CWC25: variants seen among roughly 807,000 people sequenced by gnomAD.
CWC25 encodes the protein CWC25 spliceosome associated protein.
CWC25 carries 31 observed loss-of-function variants against 54.6 expected under a neutral mutation model. That is an observed-to-expected ratio of 0.57 (90% CI 0.43 to 0.77). CWC25 has a LOEUF of 0.77. CWC25 is among the 30% of genes least tolerant of loss of function. The probability of loss-of-function intolerance (pLI) is 0.00; values close to 1 mark genes in which losing one functional copy is unlikely to be tolerated. For synonymous variants in CWC25, 151 were observed against 187.0 expected, an observed-to-expected ratio of 0.81 and a Z score of 1.57; for missense variants, 453 against 529.3, an observed-to-expected ratio of 0.86 and a Z score of 1.41.
At chr17:38,819,537 T>C (rs1167012887) in intron 2 of CWC25, among the ~76,000 whole-genome samples, 1 of 151,472 alleles carries the variant, frequency 6.6e-6, no homozygotes, top group East Asian at 1.9e-4. Flanking sequence ...CAGTTAATTT[T>C]TTTTTTTTTT....
intron 8 of CWC25, 86 bp downstream of exon 8, chr17:38,806,211 T>C: frequency 8.5e-7 from 1 of 1,178,766 alleles, no homozygotes; most frequent in Non-Finnish European, 1.2e-6. Context: ...GAAAAGGTAA[T>C]GATGGATTAT....
At chr17:38,824,729 G>C (rs1912073072) in intron 1 of CWC25, among the ~76,000 whole-genome samples, 1 of 152,120 alleles carries the variant, frequency 6.6e-6, no homozygotes, top group Admixed American at 6.6e-5. Context: ...GCTTAGGGTA[G>C]GGAGAATGGG....
intron 1 of CWC25, among the ~76,000 whole-genome samples, chr17:38,822,007 A>T (rs1363826570): frequency 1.3e-5 from 2 of 151,640 alleles, no homozygotes; most frequent in Admixed American, 1.3e-4. Flanking sequence ...TGACCTCATG[A>T]TCTGCCCGCA....
intron 8 of CWC25, among the ~76,000 whole-genome samples, chr17:38,804,833 G>A (rs1254016568): frequency 2.9e-4 from 44 of 149,226 alleles, no homozygotes; most frequent in African/African-American, 7.6e-4. Context: ...AAGCCCGGGC[G>A]TGGTGGCTCA....
In CWC25 at chr17:38,807,322, C is replaced by CAA. The variant is rs57710053; in HGVS notation, c.691-348_691-347dup. On this transcript the variant is annotated intron_variant, in intron 6 of 9. Coordinates refer to ENST00000614790, the MANE Select transcript of CWC25 (RefSeq NM_017748.5). ...TGGATGACAGAGCGAGACTCCGTCT[C>CAA]AAAAAAAAAAAAAAAAAAAAGAAAA... is the stretch of plus-strand genomic sequence containing the variant. Among the ~76,000 whole-genome samples, 13 of 56,518 alleles carry CAA rather than the reference C, an allele frequency of 2.3e-4. 1 individual carries two copies. In the East Asian group the frequency reaches 4.1e-3, roughly 18 times the overall value. The allele number at this position is 56,518 out of a possible 152,430, so 37.1% of individuals were successfully genotyped here.
In CWC25 at chr17:38,803,008, G is replaced by A. The variant is rs1421497312; in HGVS notation, c.1002-147C>T. On this transcript the variant is annotated intron_variant, in intron 8 of 9. Coordinates refer to ENST00000614790, the MANE Select transcript of CWC25 (RefSeq NM_017748.5). ...AGGCCAGCCTGAGTTCCCTTCTAACGTCCTGGTCAGGAGGTTTCATCCAAA... is the reference window on the plus strand; with the variant it reads ...AGGCCAGCCTGAGTTCCCTTCTAACATCCTGGTCAGGAGGTTTCATCCAAA... 20 of 844,542 alleles carry A rather than the reference G, an allele frequency of 2.4e-5. No individual in the cohort carries two copies. In the South Asian group the frequency reaches 2.6e-4, roughly 11 times the overall value. 52.3% of individuals were successfully genotyped at this position (844,542 alleles called of 1,614,324 possible).
At chr17:38,812,688 T>C in intron 4 of CWC25, 107 bp downstream of exon 4, 1 of 650,814 alleles carries the variant, frequency 1.5e-6, no homozygotes, top group East Asian at 2.9e-5. Flanking sequence ...ACAAAAGTTT[T>C]AGAGGCCATT....
At chr17:38,821,647 C>G (rs773059754) in intron 1 of CWC25, among the ~76,000 whole-genome samples, 13 of 152,132 alleles carry the variant, frequency 8.5e-5, no homozygotes, top group Non-Finnish European at 1.6e-4. Flanking sequence ...TAAAAGCATA[C>G]AAGTCATCCT....
Position 38,809,776 on chromosome 17 carries a change from A to G in CWC25, c.627-11T>C. On this transcript the variant is annotated splice_polypyrimidine_tract_variant and intron_variant, in intron 5 of 9. Coordinates refer to ENST00000614790, the MANE Select transcript of CWC25 (RefSeq NM_017748.5). ...ATCTTCTTCTGTGATCTAAGAGATC[A>G]AAATACACACACTCATTGAAAAAGA... 6.2e-7 allele frequency: 1 copy of G among 1,612,800 alleles called. No individual in the cohort carries two copies. The highest frequency in any genetic ancestry group is 1.1e-5 in the South Asian group (1 of 91,008).
intron 8 of CWC25, among the ~76,000 whole-genome samples, chr17:38,804,285 A>G (rs1226363454): frequency 6.6e-6 from 1 of 152,184 alleles, no homozygotes; most frequent in Non-Finnish European, 1.5e-5. Context: ...ATGTAACCAT[A>G]TTGGAAAGAT....
In CWC25 at chr17:38,825,268, A is replaced by G. The variant is rs1912098881; in HGVS notation, c.-85T>C. 1.4e-6 allele frequency: 2 copies of G among 1,430,042 alleles called. No homozygotes were observed. Among genetic ancestry groups the G allele is most frequent in the African/African-American group, 2.9e-5 (2 of 70,124 alleles). 88.6% of individuals were successfully genotyped at this position (1,430,042 alleles called of 1,614,324 possible). A position where few individuals can be genotyped will look rare whatever the true frequency, so the allele number is the denominator to read the frequency against. On this transcript the variant is annotated 5_prime_UTR_variant, in exon 1 of 10. Transcript: ENST00000614790. ...AACGTAGAGAAATAGTTCGGGGGCT[A>G]CCTCGCGGGATCTAGTCCCAGGAGC...
intron 5 of CWC25, 23 bp from the exon 6 acceptor site, chr17:38,809,788 C>T (rs751268681): frequency 3.1e-6 from 5 of 1,607,546 alleles, no homozygotes; most frequent in Non-Finnish European, 4.3e-6. Flanking sequence ...AATACACACA[C>T]TCATTGAAAA....
chr17:38,821,993 C>T (rs762707424), intron 1 of CWC25, among the ~76,000 whole-genome samples: 13 of 151,912 alleles, frequency 8.6e-5, no homozygotes, highest in East Asian at 1.9e-4. Flanking sequence ...TGGTCTCAAA[C>T]GCCTGACCTC....
intron 4 of CWC25, 27 bp downstream of exon 4, chr17:38,812,768 T>C (rs1214775563): frequency 6.2e-6 from 8 of 1,286,074 alleles, no homozygotes; most frequent in Admixed American, 2.0e-5. Context: ...AAAGATGCTC[T>C]TGGTGCTTAT....
intron 2 of CWC25, among the ~76,000 whole-genome samples, chr17:38,818,588 C>CAAAAAAAAAAAAAAAAAAAAA (rs56382375): frequency 4.1e-5 from 2 of 48,482 alleles, no homozygotes; most frequent in African/African-American, 9.3e-5. Context: ...GACTCCATCT[C>CAAAAAAAAAAAAAAAAAAAAA]AAAAAAAAAA....
intron 6 of CWC25, 86 bp downstream of exon 6, chr17:38,809,616 C>T (rs1911403294): frequency 1.5e-6 from 2 of 1,311,712 alleles, no homozygotes; most frequent in Non-Finnish European, 2.2e-6. Context: ...CCAGGCTTCA[C>T]TGCCCACCTC....
In CWC25 at chr17:38,812,773, GCTTATCTGGTATACTA is replaced by G. The variant is rs1231431810; in HGVS notation, c.498+6_498+21del. On this transcript the variant is annotated splice_donor_region_variant and intron_variant, in intron 4 of 9. Coordinates refer to ENST00000614790, the MANE Select transcript of CWC25 (RefSeq NM_017748.5). ...TATATGGCTAAAAGATGCTCTTGGT[GCTTATCTGGTATACTA>G]CTTACCAATTCTTTGATTTTCTTCA... is the stretch of plus-strand genomic sequence containing the variant. 7.5e-7 allele frequency: 1 copy of G among 1,329,716 alleles called. No homozygotes were observed. Among genetic ancestry groups the G allele is most frequent in the Non-Finnish European group, 1.1e-6 (1 of 945,838 alleles). The allele number at this position is 1,329,716 out of a possible 1,614,324, so 82.4% of individuals were successfully genotyped here.
At chr17:38,803,911 G>A (rs1192720391) in intron 8 of CWC25, among the ~76,000 whole-genome samples, 1 of 151,920 alleles carries the variant, frequency 6.6e-6, no homozygotes, top group Non-Finnish European at 1.5e-5. Flanking sequence ...GTTGGGCATG[G>A]TGGCACCCGT....
chr17:38,816,492 TC>T (rs541391837), intron 2 of CWC25, among the ~76,000 whole-genome samples: 64 of 152,106 alleles, frequency 4.2e-4, no homozygotes, highest in Middle Eastern at 6.8e-3. Context: ...CCTCAAGTGA[TC>T]CTCCTGCCTC....
Sources: gnomAD v4.1 joint callset for allele counts (sites outside exome capture counted in the v4.1 genomes callset) on GRCh38, gnomAD v4.1.1 for gene constraint, MANE v1.5 for transcripts, NCBI Gene and HGNC (gene_info 2026-07-23, HGNC 2026-07-21) for gene names.